TGFBRAP1: variants seen among roughly 807,000 people sequenced by gnomAD.
TGFBRAP1 encodes the protein transforming growth factor beta receptor associated protein 1, also known as transforming growth factor-beta receptor-associated protein 1.
Under a neutral mutation model 83.2 loss-of-function variants are expected in TGFBRAP1, and 20 were observed. The observed-to-expected ratio is 0.24, with a 90% CI of 0.17 to 0.35. The LOEUF (loss-of-function observed/expected upper bound fraction) is 0.35. Ranked by LOEUF, TGFBRAP1 falls within the 10% of genes least tolerant of loss-of-function variation. The probability of loss-of-function intolerance (pLI) is 1.00; values close to 1 mark genes in which losing one functional copy is unlikely to be tolerated. For synonymous variants in TGFBRAP1, 415 were observed against 459.8 expected (o/e 0.90, Z 1.25); for missense variants, 950 against 1,099.4 (o/e 0.86, Z 1.92).
At chr2:105,305,859 T>C (rs1175356540) in intron 2 of TGFBRAP1, among the ~76,000 whole-genome samples, 1 of 152,048 alleles carries the variant, frequency 6.6e-6, no homozygotes, top group East Asian at 1.9e-4. Context: ...TTTCACCTTT[T>C]GGCCAGGCTG....
intron 4 of TGFBRAP1, among the ~76,000 whole-genome samples, chr2:105,288,263 G>A (rs1296884308): frequency 1.3e-5 from 2 of 152,122 alleles, no homozygotes; most frequent in Non-Finnish European, 2.9e-5. Flanking sequence ...ACAGGCACAC[G>A]GGGACGACAC....
At chr2:105,256,167 A>C in the TGFBRAP1 span, among the ~76,000 whole-genome samples, 1 of 152,242 alleles carries the variant, frequency 6.6e-6, no homozygotes, top group Non-Finnish European at 1.5e-5. Context: ...GAATACCAGA[A>C]GGAAATGTTG....
the TGFBRAP1 span, among the ~76,000 whole-genome samples, chr2:105,257,360 T>C: frequency 2.0e-5 from 3 of 152,312 alleles, no homozygotes; most frequent in South Asian, 2.1e-4. Context: ...TACATTGTTA[T>C]GCAATCATCA....
the TGFBRAP1 span, among the ~76,000 whole-genome samples, chr2:105,252,946 G>A: frequency 1.3e-5 from 2 of 151,636 alleles, no homozygotes; most frequent in Non-Finnish European, 2.9e-5. Context: ...AGTAGCGACG[G>A]GGTTTCACCG....
At chr2:105,254,215 G>A in the TGFBRAP1 span, among the ~76,000 whole-genome samples, 1 of 152,186 alleles carries the variant, frequency 6.6e-6, no homozygotes, top group African/African-American at 2.4e-5. Context: ...TTTTCAGAAA[G>A]TTAGTGTCAA....
Position 105,300,198 on chromosome 2 carries a change from C to G in TGFBRAP1, c.689-1493G>C, listed in dbSNP as rs150058133. On this transcript the variant is annotated intron_variant, in intron 2 of 11. Coordinates refer to ENST00000393359, the MANE Select transcript of TGFBRAP1 (RefSeq NM_004257.6). ...AGACTATAAACCTCTGGTTTAAAGT[C>G]TGGTGGTTACTATGCTGAAGATAGA... Among the ~76,000 whole-genome samples the G allele has an allele frequency of 5.1e-3, 779 of 152,222 alleles. 5 individuals carry two copies. Among genetic ancestry groups the G allele is most frequent in the Middle Eastern group, 6.8e-3 (2 of 294 alleles).
chr2:105,292,857 A>C (rs1453550889), intron 4 of TGFBRAP1, among the ~76,000 whole-genome samples: 2 of 152,210 alleles, frequency 1.3e-5, no homozygotes, highest in Non-Finnish European at 2.9e-5. Flanking sequence ...AGCAATCCCC[A>C]AAAAACCAAA....
chr2:105,260,148 C>T (rs1196852845), downstream of TGFBRAP1, among the ~76,000 whole-genome samples: 2 of 152,114 alleles, frequency 1.3e-5, no homozygotes, highest in Non-Finnish European at 2.9e-5. Flanking sequence ...GTGGCTTATG[C>T]CTGTAATCCC....
At chr2:105,260,988 T>C (rs190698448), downstream of TGFBRAP1, among the ~76,000 whole-genome samples, 139 of 152,326 alleles carry the variant, frequency 9.1e-4, no homozygotes, top group African/African-American at 3.1e-3. Flanking sequence ...TTATGTCTTG[T>C]AAACAACTGA....
chr2:105,263,937 C>T (rs913287652), downstream of TGFBRAP1, among the ~76,000 whole-genome samples: 2 of 152,066 alleles, frequency 1.3e-5, no homozygotes, highest in Admixed American at 6.6e-5. Context: ...TGTGAACATA[C>T]CCCTTTCTTC....
chr2:105,276,253 T>G (rs9973422), intron 7 of TGFBRAP1, among the ~76,000 whole-genome samples: 3,999 of 152,332 alleles, frequency 0.026, 202 homozygotes, highest in African/African-American at 0.091. Flanking sequence ...AAAAGCCTTT[T>G]GCTTTTTCAG....
the TGFBRAP1 span, among the ~76,000 whole-genome samples, chr2:105,258,723 C>A: frequency 7.8e-6 from 1 of 128,476 alleles, no homozygotes; most frequent in Non-Finnish European, 1.7e-5. Flanking sequence ...CTTTCTCTCC[C>A]CACCCCTACA....
At chr2:105,309,262 G>A (rs1407606885) in intron 1 of TGFBRAP1, among the ~76,000 whole-genome samples, 1 of 152,236 alleles carries the variant, frequency 6.6e-6, no homozygotes, top group East Asian at 1.9e-4. Context: ...AGCAGGGCAG[G>A]GGATCAGAGA....
intron 2 of TGFBRAP1, among the ~76,000 whole-genome samples, chr2:105,300,538 G>A (rs919851538): frequency 1.3e-5 from 2 of 148,220 alleles, no homozygotes; most frequent in African/African-American, 5.0e-5. Flanking sequence ...CCGGGTTCAA[G>A]CGATTCTCCT....
In TGFBRAP1 at chr2:105,265,687, C is replaced by G. The variant is rs1407709951; in HGVS notation, c.*1696G>C. On this transcript the variant is annotated 3_prime_UTR_variant, in exon 12 of 12. Transcript: ENST00000393359. ...AAAACACATGACTGGGCTTTGAGCT[C>G]ACACCAATTTACACAGCATACAGTT... The G allele has an allele frequency of 1.3e-5, 2 of 152,556 alleles. No individual in the cohort carries two copies. The highest frequency in any genetic ancestry group is 1.5e-5 in the Non-Finnish European group (1 of 68,034). The allele number at this position is 152,556 out of a possible 1,614,324, so 9.5% of individuals were successfully genotyped here. A position where few individuals can be genotyped will look rare whatever the true frequency, so the allele number is the denominator to read the frequency against.
chr2:105,327,837 T>G (rs916783930), intron 1 of TGFBRAP1, among the ~76,000 whole-genome samples: 2 of 152,152 alleles, frequency 1.3e-5, no homozygotes, highest in Non-Finnish European at 2.9e-5. Context: ...GCAGAGTGAA[T>G]GAAGGCTAAC....
intron 5 of TGFBRAP1, among the ~76,000 whole-genome samples, chr2:105,281,816 G>A (rs1238773339): frequency 6.6e-6 from 1 of 151,948 alleles, no homozygotes; most frequent in Non-Finnish European, 1.5e-5. Flanking sequence ...TTGGTGAAAA[G>A]CAATTTTGTT....
At chr2:105,297,453 C>T (rs72823859) in intron 3 of TGFBRAP1, among the ~76,000 whole-genome samples, 4,578 of 152,286 alleles carry the variant, frequency 0.03, 105 homozygotes, top group Middle Eastern at 0.061. Flanking sequence ...GTGACCCCAG[C>T]GCATGCGCCA....
chr2:105,320,538 G>A (rs1573222712), intron 1 of TGFBRAP1, among the ~76,000 whole-genome samples: 1 of 152,136 alleles, frequency 6.6e-6, no homozygotes, highest in African/African-American at 2.4e-5. Flanking sequence ...TGAAACACTA[G>A]GTCATTATCC....
Sources: gnomAD v4.1 joint callset for allele counts (sites outside exome capture counted in the v4.1 genomes callset) on GRCh38, gnomAD v4.1.1 for gene constraint, MANE v1.5 for transcripts, NCBI Gene and HGNC (gene_info 2026-07-23, HGNC 2026-07-21) for gene names.